The following CACNA2D3 variants were observed in gnomAD, a reference collection of about 807,000 sequenced individuals.
CACNA2D3 encodes voltage-dependent calcium channel subunit alpha-2/delta-3.
CACNA2D3 carries 60 observed loss-of-function variants against 160.6 expected under a neutral mutation model. The observed-to-expected ratio is 0.37, with a 90% confidence interval of 0.30 to 0.46. CACNA2D3 has a LOEUF of 0.46. Among genes scored for constraint, CACNA2D3 ranks in the 20% least tolerant of loss-of-function variants. CACNA2D3 has a pLI of 1.00. For synonymous variants in CACNA2D3, 558 were observed against 492.9 expected (o/e 1.13, Z -1.75); for missense variants, 1,205 against 1,365.0 (o/e 0.88, Z 1.85).
Position 54,318,163 on chromosome 3 carries a change from C to A in CACNA2D3, c.205-2279C>A, listed in dbSNP as rs184328214. Among the ~76,000 whole-genome samples the A allele has an allele frequency of 1.0e-3, 154 of 152,248 alleles. 1 individual carries two copies. The highest frequency in any genetic ancestry group is 3.4e-3 in the African/African-American group (143 of 41,554). ...TGTCTGCTGTGGGCTGTGGCAGCAACCACAAGGACCTGTCCTTGCTTCCAG... is the reference window on the plus strand; with the variant it reads ...TGTCTGCTGTGGGCTGTGGCAGCAAACACAAGGACCTGTCCTTGCTTCCAG... On this transcript the variant is annotated intron_variant, in intron 2 of 37. Coordinates refer to ENST00000474759, the MANE Select transcript of CACNA2D3 (RefSeq NM_018398.3).
At chr3:54,641,433 C>A (rs1388939577) in intron 10 of CACNA2D3, among the ~76,000 whole-genome samples, 1 of 152,074 alleles carries the variant, frequency 6.6e-6, no homozygotes, top group Non-Finnish European at 1.5e-5. Flanking sequence ...TAGATGAAGC[C>A]TCTAAGTGGC....
chr3:54,723,981 G>C (rs1014080954), intron 11 of CACNA2D3, among the ~76,000 whole-genome samples: 1 of 152,184 alleles, frequency 6.6e-6, no homozygotes, highest in Non-Finnish European at 1.5e-5. Context: ...TGGCAAATTG[G>C]ATAAAGAGTC....
intron 2 of CACNA2D3, among the ~76,000 whole-genome samples, chr3:54,307,396 G>A (rs1196490565): frequency 1.3e-5 from 2 of 152,152 alleles, no homozygotes; most frequent in African/African-American, 2.4e-5. Context: ...TGGAGGACCC[G>A]TGGGCTGCTG....
intron 3 of CACNA2D3, among the ~76,000 whole-genome samples, chr3:54,372,525 C>G (rs1386676728): frequency 2.0e-5 from 3 of 152,156 alleles, no homozygotes; most frequent in Non-Finnish European, 4.4e-5. Context: ...CAGGGAATTT[C>G]AGTTTCTACT....
chr3:54,382,129 C>T (rs780900035), intron 3 of CACNA2D3, among the ~76,000 whole-genome samples: 2 of 152,178 alleles, frequency 1.3e-5, no homozygotes, highest in African/African-American at 2.4e-5. Flanking sequence ...TTAAAAACCA[C>T]ATTCACAATT....
intron 2 of CACNA2D3, among the ~76,000 whole-genome samples, chr3:54,164,692 G>A (rs1006212506): frequency 6.6e-6 from 1 of 152,118 alleles, no homozygotes; most frequent in Non-Finnish European, 1.5e-5. Context: ...GACCAGTGGG[G>A]ATGGGGGAAG....
chr3:54,483,523 TTA>T (rs1261088094), intron 4 of CACNA2D3, among the ~76,000 whole-genome samples: 3 of 152,236 alleles, frequency 2.0e-5, no homozygotes, highest in Non-Finnish European at 4.4e-5. Flanking sequence ...CTCCAGAGCA[TTA>T]TCTCAAATGA....
chr3:55,037,983 T>G (rs1257762232), intron 35 of CACNA2D3, among the ~76,000 whole-genome samples: 1 of 152,246 alleles, frequency 6.6e-6, no homozygotes, highest in Non-Finnish European at 1.5e-5. Context: ...GAGTCTGAGA[T>G]GTAGTTGTAT....
At chr3:54,544,500 C>A (rs543969511) in intron 5 of CACNA2D3, among the ~76,000 whole-genome samples, 1 of 151,932 alleles carries the variant, frequency 6.6e-6, no homozygotes, top group African/African-American at 2.4e-5. Context: ...AACTCTTGGG[C>A]TCAAGGGATC....
In CACNA2D3 at chr3:54,626,406, G is replaced by A. The variant is rs1699103724; in HGVS notation, c.964-1381G>A. Reference sequence around the variant, plus strand: ...TGAAGTGCCTGCGCAAGGCCAAGAAGGAGGCGCTGCCCATGGAGAAGCCGG... The same window carrying A: ...TGAAGTGCCTGCGCAAGGCCAAGAAAGAGGCGCTGCCCATGGAGAAGCCGG... On this transcript the variant is annotated intron_variant, in intron 9 of 37. Coordinates refer to ENST00000474759, the MANE Select transcript of CACNA2D3 (RefSeq NM_018398.3). 5 of 1,577,558 alleles carry A rather than the reference G, an allele frequency of 3.2e-6. No individual in the cohort carries two copies. The Admixed American group carries it at 5.7e-5, about 18-fold the overall frequency.
chr3:54,461,543 G>T (rs1439831763), intron 4 of CACNA2D3, among the ~76,000 whole-genome samples: 2 of 151,622 alleles, frequency 1.3e-5, no homozygotes, highest in South Asian at 4.2e-4. Flanking sequence ...ATTTCTTCTA[G>T]ATTTTCTAGT....
At chr3:54,151,902 G>C (rs985638325) in intron 2 of CACNA2D3, among the ~76,000 whole-genome samples, 5 of 152,110 alleles carry the variant, frequency 3.3e-5, no homozygotes, top group Non-Finnish European at 7.3e-5. Context: ...CCTCCTCATT[G>C]TTGCCCATAC....
chr3:54,851,085 C>A (rs182270754), intron 17 of CACNA2D3, among the ~76,000 whole-genome samples: 69 of 152,254 alleles, frequency 4.5e-4, no homozygotes, highest in African/African-American at 1.6e-3. Flanking sequence ...AGAGAAGATG[C>A]GCTTTTTATT....
At chr3:54,700,510 T>C (rs1700748762) in intron 11 of CACNA2D3, among the ~76,000 whole-genome samples, 1 of 152,226 alleles carries the variant, frequency 6.6e-6, no homozygotes, top group Non-Finnish European at 1.5e-5. Flanking sequence ...AGCACAAATA[T>C]ATAATATTTT....
chr3:54,627,981 C>G (rs1030441946), intron 10 of CACNA2D3, 105 bp downstream of exon 10: 1 of 775,754 alleles, frequency 1.3e-6, no homozygotes, highest in African/African-American at 1.7e-5. Flanking sequence ...ACCTTTAATC[C>G]CAGCCCTTTG....
At chr3:54,439,333 T>TGTGTG (rs869041749) in intron 4 of CACNA2D3, among the ~76,000 whole-genome samples, 2,582 of 147,928 alleles carry the variant, frequency 0.017, 27 homozygotes, top group Middle Eastern at 0.048. Flanking sequence ...GTGTGTGTGT[T>TGTGTG]TGTGTGTGAA....
intron 11 of CACNA2D3, among the ~76,000 whole-genome samples, chr3:54,653,955 G>T (rs890790003): frequency 2.0e-5 from 3 of 152,136 alleles, no homozygotes; most frequent in Non-Finnish European, 4.4e-5. Context: ...TGGTGTTGGG[G>T]AAGAGTCAAA....
chr3:54,822,790 C>CTTTCCTTCCTTTCTTTCTTT (rs1491160047), intron 14 of CACNA2D3, among the ~76,000 whole-genome samples: 1 of 71,912 alleles, frequency 1.4e-5, no homozygotes, highest in Non-Finnish European at 2.7e-5. Context: ...TTCTTTCTTT[C>CTTTCCTTCCTTTCTTTCTTT]CTTTCTTTCT....
At chr3:54,237,168 T>C (rs530106268) in intron 2 of CACNA2D3, among the ~76,000 whole-genome samples, 19 of 152,234 alleles carry the variant, frequency 1.2e-4, no homozygotes, top group African/African-American at 4.3e-4. Flanking sequence ...CCTCTTCCAG[T>C]ACCCCCTCGA....
Sources: allele counts gnomAD v4.1 joint callset (sites outside exome capture counted in the v4.1 genomes callset), GRCh38; gene constraint gnomAD v4.1.1; transcripts MANE v1.5; gene names NCBI Gene and HGNC (gene_info 2026-07-23, HGNC 2026-07-21).